Variants in FBXO17 observed in about 807,000 individuals in gnomAD.
FBXO17 encodes the protein F-box only protein 17.
Under a neutral mutation model 34.1 loss-of-function variants are expected in FBXO17, and 43 were observed. The observed-to-expected ratio is 1.26, with a 90% CI of 0.99 to 1.62. The LOEUF is 1.62. FBXO17 is among the 40% of genes most tolerant of loss of function. The pLI is 0.00. For missense variants in FBXO17, 424 were observed against 386.7 expected, an observed-to-expected ratio of 1.10 and a Z score of -0.81; for synonymous variants, 169 against 166.0, an observed-to-expected ratio of 1.02 and a Z score of -0.14.
intron 5 of FBXO17, among the ~76,000 whole-genome samples, chr19:38,944,256 C>CATTATTATTATTATTAATATT (rs1555748524): frequency 6.8e-6 from 1 of 146,528 alleles, no homozygotes; most frequent in East Asian, 2.0e-4. Flanking sequence ...TGATCTGACT[C>CATTATTATTATTATTAATATT]ATTATTATTA....
chr19:38,966,005 C>CTGCCT (rs1298873090), intron 1 of FBXO17, among the ~76,000 whole-genome samples: 4 of 151,668 alleles, frequency 2.6e-5, no homozygotes, highest in Admixed American at 6.6e-5. Context: ...GAGTCTTACT[C>CTGCCT]TGTCACCCAG....
chr19:38,964,339 T>G (rs1051445293), intron 1 of FBXO17, among the ~76,000 whole-genome samples: 3 of 152,058 alleles, frequency 2.0e-5, no homozygotes, highest in Non-Finnish European at 2.9e-5. Flanking sequence ...CTTATTAATT[T>G]TTGTTTGTTT....
intron 3 of FBXO17, among the ~76,000 whole-genome samples, chr19:38,948,045 C>T (rs1174535099): frequency 2.8e-5 from 4 of 140,586 alleles, no homozygotes; most frequent in East Asian, 4.4e-4. Context: ...CTCATTCTGT[C>T]GCCCAGGCTG....
At chr19:38,949,863 C>G in intron 2 of FBXO17, 108 bp downstream of exon 2, 2 of 1,316,174 alleles carry the variant, frequency 1.5e-6, no homozygotes, top group African/African-American at 1.5e-5. Flanking sequence ...CCTGGCTCCT[C>G]CAGCGGTCTC....
intron 1 of FBXO17, among the ~76,000 whole-genome samples, chr19:38,966,811 A>C (rs1376038063): frequency 6.6e-6 from 1 of 152,192 alleles, no homozygotes; most frequent in Non-Finnish European, 1.5e-5. Context: ...TTTCTTGGGA[A>C]AAAGACTCTT....
intron 1 of FBXO17, among the ~76,000 whole-genome samples, chr19:38,950,749 AACT>A (rs1340860770): frequency 6.6e-6 from 1 of 152,220 alleles, no homozygotes; most frequent in African/African-American, 2.4e-5. Flanking sequence ...TTTTAAAACT[AACT>A]CTGGGATTAA....
chr19:38,957,787 A>C (rs1162111394), intron 1 of FBXO17, among the ~76,000 whole-genome samples: 1 of 152,168 alleles, frequency 6.6e-6, no homozygotes, highest in African/African-American at 2.4e-5. Flanking sequence ...GCCCTCAGCT[A>C]TCCACACAAA....
intron 1 of FBXO17, among the ~76,000 whole-genome samples, chr19:38,961,930 T>G (rs2144834878): frequency 6.6e-6 from 1 of 152,244 alleles, no homozygotes; most frequent in South Asian, 2.1e-4. Context: ...CCCAAAGTGC[T>G]GGGATTACAG....
chr19:38,946,471 C>A lies in FBXO17; in HGVS notation c.557+1G>T. On this transcript the variant is annotated splice_donor_variant, in intron 4 of 5. Transcript: ENST00000292852. LOFTEE classifies it high-confidence loss of function. ...GGGGCAGGGTGCCGCTCCTCACTCA[C>A]CAGTCAGCCACACAGATCTCAATCT... 1 of 1,614,024 alleles carries A rather than the reference C, an allele frequency of 6.2e-7. No homozygotes were observed. The highest frequency in any genetic ancestry group is 2.2e-5 in the East Asian group (1 of 44,882).
chr19:38,971,125 T>C (rs556723500), intron 1 of FBXO17, among the ~76,000 whole-genome samples: 33 of 150,048 alleles, frequency 2.2e-4, no homozygotes, highest in African/African-American at 7.8e-4. Context: ...ATTCAAAGTC[T>C]AGACTCCCAA....
intron 1 of FBXO17, among the ~76,000 whole-genome samples, chr19:38,951,825 TC>T (rs1568440581): frequency 1.5e-5 from 1 of 67,538 alleles, no homozygotes; most frequent in East Asian, 3.0e-3. Flanking sequence ...AATTTTTGTA[TC>T]TTTAAGGAGA....
chr19:38,974,626 G>A (rs979654192), intron 1 of FBXO17, among the ~76,000 whole-genome samples: 1 of 152,118 alleles, frequency 6.6e-6, no homozygotes, highest in Non-Finnish European at 1.5e-5. Flanking sequence ...ATCCATGGAC[G>A]CGTTGTCTAA....
At chr19:38,961,534 C>A (rs192557635) in intron 1 of FBXO17, among the ~76,000 whole-genome samples, 1 of 152,156 alleles carries the variant, frequency 6.6e-6, no homozygotes, top group East Asian at 1.9e-4. Context: ...CTCGGCCTCC[C>A]AAAGTGCTGC....
intron 5 of FBXO17, chr19:38,944,681 T>G: frequency 2.5e-6 from 1 of 399,974 alleles, no homozygotes; most frequent in Non-Finnish European, 4.5e-6. Flanking sequence ...AACTCTAGAA[T>G]GGAGATAGGA....
Position 38,942,668 on chromosome 19 carries a change from C to T in FBXO17, c.777G>A (p.Val259=), listed in dbSNP as rs1294975666. The T allele has an allele frequency of 6.2e-7, 1 of 1,601,286 alleles. No homozygotes were observed. Among genetic ancestry groups the T allele is most frequent in the South Asian group, 1.1e-5 (1 of 89,046 alleles). Residue 259 remains valine, a synonymous_variant, in exon 6 of 6, where the codon GTG becomes GTA. Coordinates refer to ENST00000292852, the MANE Select transcript of FBXO17 (RefSeq NM_024907.7). ...EQYGRDVSSW[V]GHYGALVTHS... ...GGGTCACAAGGGCGCCATAGTGCCCCACCCAGGAACTCACGTCTCTCCCGT... is the reference window on the plus strand; with the variant it reads ...GGGTCACAAGGGCGCCATAGTGCCCTACCCAGGAACTCACGTCTCTCCCGT...
chr19:38,966,983 G>A (rs112670850), intron 1 of FBXO17, among the ~76,000 whole-genome samples: 62 of 152,290 alleles, frequency 4.1e-4, no homozygotes, highest in African/African-American at 1.4e-3. Context: ...TCATGATCTT[G>A]TGTTAAGCAG....
intron 4 of FBXO17, chr19:38,945,347 G>T: frequency 1.8e-6 from 1 of 565,808 alleles, no homozygotes; most frequent in Non-Finnish European, 3.1e-6. Context: ...AGGAGCCTGG[G>T]TGGTCCTGGG....
At chr19:38,956,818 T>C (rs577457484) in intron 1 of FBXO17, among the ~76,000 whole-genome samples, 150 of 152,108 alleles carry the variant, frequency 9.9e-4, no homozygotes, top group Non-Finnish European at 1.7e-3. Flanking sequence ...AGGTGGAGGT[T>C]GCAGTGAGCC....
chr19:38,944,882 G>A, intron 5 of FBXO17, 87 bp downstream of exon 5: 3 of 1,552,120 alleles, frequency 1.9e-6, no homozygotes, highest in Non-Finnish European at 2.6e-6. Flanking sequence ...ATATCCAGGA[G>A]TGACAGAAGG....
Sources: allele counts gnomAD v4.1 joint callset (sites outside exome capture counted in the v4.1 genomes callset), GRCh38; gene constraint gnomAD v4.1.1; transcripts MANE v1.5; gene names NCBI Gene and HGNC (gene_info 2026-07-23, HGNC 2026-07-21).